Variants in SYBU observed in about 807,000 individuals in gnomAD.
SYBU encodes syntabulin.
A neutral mutation model predicts 35.9 loss-of-function variants in SYBU; 21 were observed. The ratio of observed to expected loss-of-function variants is 0.58; its 90% confidence interval spans 0.41 to 0.84. The LOEUF (loss-of-function observed/expected upper bound fraction) is 0.84, where lower values mean the gene tolerates loss of function less well. Among genes scored for constraint, SYBU ranks in the 40% least tolerant of loss-of-function variants. The pLI, the probability that SYBU is intolerant of heterozygous loss-of-function variation, is 0.00. For synonymous variants in SYBU, 319 were observed against 324.3 expected (o/e 0.98, Z 0.18); for missense variants, 768 against 848.2 (o/e 0.91, Z 1.17).
At chr8:109,644,902 C>T (rs1277472778), upstream of SYBU, 3 of 553,742 alleles carry the variant, frequency 5.4e-6, no homozygotes, top group Non-Finnish European at 9.7e-6. Context: ...TGGGGCGCCT[C>T]CCACGCCCTC....
chr8:109,632,047 G>A (rs1381984411), intron 2 of SYBU, among the ~76,000 whole-genome samples: 3 of 151,994 alleles, frequency 2.0e-5, no homozygotes, highest in Admixed American at 1.3e-4. Flanking sequence ...AGCCCAAGAA[G>A]ATATTTCTTT....
intron 1 of SYBU, among the ~76,000 whole-genome samples, chr8:109,664,649 T>C (rs767185140): frequency 4.6e-5 from 7 of 152,080 alleles, no homozygotes; most frequent in Non-Finnish European, 8.8e-5. Context: ...CCACTTGCAA[T>C]TGGAAAAAAC....
intron 2 of SYBU, among the ~76,000 whole-genome samples, chr8:109,630,329 C>T (rs904609905): frequency 4.1e-5 from 6 of 148,132 alleles, no homozygotes; most frequent in South Asian, 4.3e-4. Flanking sequence ...TGCTAGATGA[C>T]GAGTTAGTGG....
intron 1 of SYBU, 119 bp downstream of exon 1, chr8:109,644,517 T>A: frequency 8.1e-7 from 1 of 1,232,380 alleles, no homozygotes; most frequent in South Asian, 1.3e-5. Context: ...CACCACCACC[T>A]CCTTCCACCT....
intron 2 of SYBU, among the ~76,000 whole-genome samples, chr8:109,626,000 CA>C (rs1812941355): frequency 6.6e-6 from 1 of 152,140 alleles, no homozygotes; most frequent in African/African-American, 2.4e-5. Flanking sequence ...TAATTAAAAA[CA>C]AATTTTGATG....
intron 2 of SYBU, among the ~76,000 whole-genome samples, chr8:109,628,342 C>T (rs1329716374): frequency 7.1e-6 from 1 of 141,812 alleles, no homozygotes; most frequent in Non-Finnish European, 1.5e-5. Flanking sequence ...AACCACATCT[C>T]TTTTTTTTTT....
intron 1 of SYBU, among the ~76,000 whole-genome samples, chr8:109,656,466 C>A (rs1816360592): frequency 3.3e-5 from 5 of 152,106 alleles, no homozygotes; most frequent in Non-Finnish European, 1.5e-5. Context: ...TTCTGTTTGT[C>A]ATTTTTCTCT....
intron 3 of SYBU, among the ~76,000 whole-genome samples, chr8:109,614,447 CA>C (rs893465608): frequency 1.3e-5 from 2 of 152,210 alleles, no homozygotes; most frequent in African/African-American, 4.8e-5. Context: ...AAACATTTCC[CA>C]GTTGTAAAGC....
intron 2 of SYBU, among the ~76,000 whole-genome samples, chr8:109,625,900 A>G (rs1041406317): frequency 1.3e-5 from 2 of 152,230 alleles, no homozygotes; most frequent in African/African-American, 4.8e-5. Flanking sequence ...GAAGTTTGAG[A>G]CAACTTATAT....
At chr8:109,669,885 T>C (rs543025172) in intron 1 of SYBU, among the ~76,000 whole-genome samples, 1 of 152,382 alleles carries the variant, frequency 6.6e-6, no homozygotes, top group East Asian at 1.9e-4. Flanking sequence ...CGAGGCACTT[T>C]AATCTTTCAA....
At chr8:109,683,228 A>G (rs890973587), upstream of SYBU, among the ~76,000 whole-genome samples, 1 of 152,246 alleles carries the variant, frequency 6.6e-6, no homozygotes. Flanking sequence ...GAAAAGCCAC[A>G]GACAACACCA....
intron 3 of SYBU, chr8:109,607,922 G>T: frequency 6.6e-7 from 1 of 1,526,044 alleles, no homozygotes; most frequent in Non-Finnish European, 8.8e-7. Context: ...TAGAAGGTAA[G>T]CTCCATAGAC....
In SYBU at chr8:109,577,978, A is replaced by G. The variant is rs1822548032; in HGVS notation, c.774T>C (p.Gly258=). The change falls in exon 6 of 7, where the codon GGT becomes GGC. Residue 258 remains glycine (G), a synonymous_variant. Coordinates refer to ENST00000276646, the MANE Select transcript of SYBU (RefSeq NM_001099754.2). ...GRYMSCGENH[G]VRPPNPEQYL... ...ACTGCTCTGGGTTTGGGGGTCTGAC[A>G]CCATGATTTTCACCGCAAGACATGT... The G allele has an allele frequency of 1.9e-6, 3 of 1,613,922 alleles. No individual in the cohort carries two copies. The East Asian group carries it at 6.7e-5, about 36-fold the overall frequency.
At chr8:109,665,573 G>A (rs1816723845) in intron 1 of SYBU, among the ~76,000 whole-genome samples, 1 of 152,154 alleles carries the variant, frequency 6.6e-6, no homozygotes, top group Non-Finnish European at 1.5e-5. Context: ...AAGGTGAAAA[G>A]CTTCACTTTT....
At chr8:109,625,254 C>T (rs572966211) in intron 2 of SYBU, among the ~76,000 whole-genome samples, 9 of 152,138 alleles carry the variant, frequency 5.9e-5, no homozygotes, top group Non-Finnish European at 1.3e-4. Context: ...CAGGAATATC[C>T]TGCTATCATT....
At chr8:109,590,309 A>T (rs1389342443) in intron 3 of SYBU, among the ~76,000 whole-genome samples, 1 of 152,150 alleles carries the variant, frequency 6.6e-6, no homozygotes, top group African/African-American at 2.4e-5. Context: ...TTTTTGTTTT[A>T]GTTTTTGCAA....
At chr8:109,614,397 C>T (rs1454749759) in intron 3 of SYBU, among the ~76,000 whole-genome samples, 2 of 152,184 alleles carry the variant, frequency 1.3e-5, no homozygotes, top group Non-Finnish European at 2.9e-5. Context: ...AAACTAAATA[C>T]GGGAGGAGCA....
rs564949606 is a variant in SYBU at position 109,609,662 on chromosome 8, G to C, written c.427+9180C>G. 2.6e-5 allele frequency among the ~76,000 whole-genome samples: 4 copies of C among 152,146 alleles called. No individual in the cohort carries two copies. The East Asian group carries it at 7.7e-4, about 29-fold the overall frequency. ...AGCACCCATTTGACTCTGATGTCCT[G>C]GCTATAACTGGAAATGACATGTGCC... On this transcript the variant is annotated intron_variant, in intron 3 of 6. Coordinates refer to ENST00000276646, the MANE Select transcript of SYBU (RefSeq NM_001099754.2).
In SYBU at chr8:109,575,549, G is replaced by A; in HGVS notation, c.1349C>T (p.Thr450Ile). 2 of 1,614,184 alleles carry A rather than the reference G, an allele frequency of 1.2e-6. No homozygotes were observed. Among genetic ancestry groups the A allele is most frequent in the East Asian group, 2.2e-5 (1 of 44,862 alleles). Reference sequence around the variant, plus strand: ...AAGCTCCAGGTCACCAGATTCTGTGGTGGTGGCTGTCACTATCTCATCGAA... The same window carrying A: ...AAGCTCCAGGTCACCAGATTCTGTGATGGTGGCTGTCACTATCTCATCGAA... ...DLFDEIVTAT[T>I]TESGDLELVH... is the part of the protein sequence containing the mutation. The change falls in exon 7 of 7, where the codon ACC becomes ATC. Residue 450 changes from threonine (T) to isoleucine (I), a missense_variant. Transcript: ENST00000276646.
Sources: gnomAD v4.1 joint callset for allele counts (sites outside exome capture counted in the v4.1 genomes callset) on GRCh38, gnomAD v4.1.1 for gene constraint, MANE v1.5 for transcripts, NCBI Gene and HGNC (gene_info 2026-07-23, HGNC 2026-07-21) for gene names.